Variants in DAB1 observed in about 807,000 individuals in gnomAD.
The protein encoded by DAB1 is disabled homolog 1.
Under a neutral mutation model 64.6 loss-of-function variants are expected in DAB1, and 15 were observed. The ratio of observed to expected loss-of-function variants is 0.23; its 90% confidence interval spans 0.16 to 0.36. The LOEUF is 0.36. DAB1 is among the 10% of genes least tolerant of loss of function. The pLI is 1.00. For missense variants in DAB1, 596 were observed against 706.7 expected, an observed-to-expected ratio of 0.84 and a Z score of 1.78; for synonymous variants, 235 against 251.9, an observed-to-expected ratio of 0.93 and a Z score of 0.64.
At chr1:57,121,497 G>C (rs1178078834) in intron 4 of DAB1, among the ~76,000 whole-genome samples, 1 of 151,926 alleles carries the variant, frequency 6.6e-6, no homozygotes, top group Non-Finnish European at 1.5e-5. Flanking sequence ...GTCCCAACTG[G>C]AAATGCTAAT....
At chr1:58,414,247 G>A (rs1416229274) in intron 3 of DAB1, among the ~76,000 whole-genome samples, 6 of 152,138 alleles carry the variant, frequency 3.9e-5, no homozygotes, top group African/African-American at 1.2e-4. Flanking sequence ...CCCCAAACTA[G>A]GGCTACAGTA....
At chr1:57,992,512 T>C (rs1441345704) in intron 5 of DAB1, among the ~76,000 whole-genome samples, 3 of 152,188 alleles carry the variant, frequency 2.0e-5, no homozygotes, top group Non-Finnish European at 4.4e-5. Flanking sequence ...CTCCCTGCAC[T>C]TTCTCAGTCT....
intron 4 of DAB1, among the ~76,000 whole-genome samples, chr1:58,296,411 A>C (rs955452461): frequency 3.9e-5 from 6 of 152,178 alleles, no homozygotes; most frequent in Admixed American, 1.3e-4. Context: ...GCGCAGAAAC[A>C]TCAAACATCA....
At chr1:58,365,205 T>A (rs1048452840) in intron 3 of DAB1, among the ~76,000 whole-genome samples, 1 of 152,208 alleles carries the variant, frequency 6.6e-6, no homozygotes, top group Non-Finnish European at 1.5e-5. Flanking sequence ...TAGTGTTTTG[T>A]CTTCTGGAGA....
At chr1:57,276,122 G>T (rs1349323083) in intron 2 of DAB1, among the ~76,000 whole-genome samples, 1 of 152,218 alleles carries the variant, frequency 6.6e-6, no homozygotes, top group Admixed American at 6.5e-5. Flanking sequence ...TACACAGAAG[G>T]ATCAGACAGG....
chr1:57,785,352 A>G (rs1354372651), intron 6 of DAB1, among the ~76,000 whole-genome samples: 1 of 152,168 alleles, frequency 6.6e-6, no homozygotes, highest in Non-Finnish European at 1.5e-5. Context: ...ACTTTCAAAT[A>G]TTTAAGAAAT....
intron 4 of DAB1, among the ~76,000 whole-genome samples, chr1:57,107,978 A>T (rs1050313010): frequency 6.6e-6 from 1 of 152,098 alleles, no homozygotes; most frequent in Non-Finnish European, 1.5e-5. Context: ...TAATAGATGC[A>T]TCATTCCTGG....
intron 2 of DAB1, among the ~76,000 whole-genome samples, chr1:57,184,805 C>A (rs17115261): frequency 6.6e-6 from 1 of 152,056 alleles, no homozygotes; most frequent in Non-Finnish European, 1.5e-5. Context: ...GTCCCATAGA[C>A]GCTTTTTCAT....
At chr1:57,178,212 A>C (rs1662537520) in intron 2 of DAB1, among the ~76,000 whole-genome samples, 2 of 151,992 alleles carry the variant, frequency 1.3e-5, no homozygotes, top group South Asian at 4.2e-4. Context: ...AAATATAGAT[A>C]CCCTACTTAA....
At chr1:57,281,651 G>C (rs889831328) in intron 2 of DAB1, among the ~76,000 whole-genome samples, 9 of 152,120 alleles carry the variant, frequency 5.9e-5, no homozygotes, top group Non-Finnish European at 1.2e-4. Context: ...GTTTTATGCA[G>C]GAGTGTGATC....
intron 5 of DAB1, among the ~76,000 whole-genome samples, chr1:58,034,583 G>T (rs543447148): frequency 1.3e-5 from 2 of 152,332 alleles, no homozygotes; most frequent in South Asian, 4.1e-4. Flanking sequence ...CAGTCTGCCA[G>T]ATCGTGTAGA....
chr1:58,011,560 T>C (rs1646668728), intron 5 of DAB1, among the ~76,000 whole-genome samples: 2 of 152,256 alleles, frequency 1.3e-5, no homozygotes, highest in Non-Finnish European at 2.9e-5. Context: ...TATTTAATTA[T>C]ACATTTTCTT....
At position 57,951,317 on chromosome 1, in the gene DAB1, C is replaced by CATATATATATATATATATAT. The variant is rs150140800; in HGVS notation, n.388-67156_388-67155insATATATATATATATATATAT. 5.9e-3 allele frequency among the ~76,000 whole-genome samples: 412 copies of CATATATATATATATATATAT among 69,834 alleles called. 41 individuals carry two copies. The highest frequency in any genetic ancestry group is 0.015 in the African/African-American group (357 of 24,252). 45.8% of individuals were successfully genotyped at this position (69,834 alleles called of 152,430 possible). On this transcript the variant is annotated intron_variant and non_coding_transcript_variant, in intron 5 of 20. Coordinates refer to the DAB1 transcript ENST00000485760. Reference sequence around the variant, plus strand: ...CAGATCCGGGAAGAGGAGCCTGATTCATATATATATATATACTTCCCTGGA... The same window carrying CATATATATATATATATATAT: ...CAGATCCGGGAAGAGGAGCCTGATTCATATATATATATATATATATATATATATATATATACTTCCCTGGA...
At chr1:57,139,572 C>A (rs970968231) in intron 3 of DAB1, among the ~76,000 whole-genome samples, 2 of 152,190 alleles carry the variant, frequency 1.3e-5, no homozygotes, top group Admixed American at 6.6e-5. Flanking sequence ...GGTTTTATTC[C>A]TTCTTCCTTT....
rs188611504 is a variant in DAB1 at position 57,566,346 on chromosome 1, T to A, written n.625+83246A>T. 6.5e-3 allele frequency among the ~76,000 whole-genome samples: 987 copies of A among 152,138 alleles called. 14 individuals are homozygous for A. Among genetic ancestry groups the A allele is most frequent in the African/African-American group, 0.023 (947 of 41,500 alleles). ...GAGGAAAGATCTAAAATTGACAACC[T>A]AACATCACAATTAAAAGAACTAGAG... is the stretch of plus-strand genomic sequence containing the variant. On this transcript the variant is annotated intron_variant and non_coding_transcript_variant, in intron 7 of 20. Coordinates refer to the DAB1 transcript ENST00000485760.
At chr1:58,336,089 C>T (rs1663110773) in intron 4 of DAB1, among the ~76,000 whole-genome samples, 1 of 152,190 alleles carries the variant, frequency 6.6e-6, no homozygotes, top group Admixed American at 6.5e-5. Context: ...AGGTTCACCC[C>T]ATTTGTCTTT....
intron 2 of DAB1, among the ~76,000 whole-genome samples, chr1:57,266,409 A>G (rs1156618698): frequency 1.3e-5 from 2 of 152,218 alleles, no homozygotes; most frequent in Non-Finnish European, 2.9e-5. Context: ...ATCTCAATAC[A>G]TGGAGTGTCT....
intron 6 of DAB1, among the ~76,000 whole-genome samples, chr1:57,789,412 A>T (rs2101855812): frequency 6.6e-6 from 1 of 152,278 alleles, no homozygotes; most frequent in South Asian, 2.1e-4. Context: ...TACACAACAG[A>T]AATGGGTGGC....
chr1:58,219,562 T>A (rs984690875), intron 4 of DAB1, among the ~76,000 whole-genome samples: 1 of 152,172 alleles, frequency 6.6e-6, no homozygotes, highest in Non-Finnish European at 1.5e-5. Flanking sequence ...TTGGGCACTT[T>A]CCAGCCTCAG....
Sources: allele counts gnomAD v4.1 joint callset (sites outside exome capture counted in the v4.1 genomes callset), GRCh38; gene constraint gnomAD v4.1.1; transcripts MANE v1.5; gene names NCBI Gene and HGNC (gene_info 2026-07-23, HGNC 2026-07-21).